The following MIA2 variants were observed in gnomAD, a reference collection of about 807,000 sequenced individuals.
MIA2 encodes the protein MIA SH3 domain ER export factor 2, also known as melanoma inhibitory activity protein 2.
MIA2 carries 127 observed loss-of-function variants against 167.8 expected under a neutral mutation model. That is an observed-to-expected ratio of 0.76 (90% CI 0.66 to 0.88). The LOEUF (loss-of-function observed/expected upper bound fraction) is 0.88. Among genes scored for constraint, MIA2 ranks in the 40% least tolerant of loss-of-function variants. The pLI is 0.00. For synonymous variants in MIA2, 552 were observed against 541.9 expected (o/e 1.02, Z -0.26); for missense variants, 1,690 against 1,624.7 (o/e 1.04, Z -0.69).
intron 17 of MIA2, among the ~76,000 whole-genome samples, chr14:39,304,876 T>A (rs2063086243): frequency 6.6e-6 from 1 of 152,182 alleles, no homozygotes; most frequent in Admixed American, 6.5e-5. Context: ...ATTTTGCTGA[T>A]AGTGTTTGTA....
intron 25 of MIA2, among the ~76,000 whole-genome samples, chr14:39,345,390 G>A (rs1340754692): frequency 6.6e-6 from 1 of 152,062 alleles, no homozygotes; most frequent in Non-Finnish European, 1.5e-5. Context: ...ATTTGGTTTG[G>A]AATAGATACT....
At chr14:39,246,044 G>T (rs964391195) in intron 3 of MIA2, among the ~76,000 whole-genome samples, 4 of 151,526 alleles carry the variant, frequency 2.6e-5, no homozygotes, top group African/African-American at 4.9e-5. Flanking sequence ...AGCATTGATT[G>T]CCTCTGCTTC....
chr14:39,275,139 T>TGTGTGTGTGTGTGTGTG (rs371189920), intron 6 of MIA2, among the ~76,000 whole-genome samples: 6 of 126,634 alleles, frequency 4.7e-5, no homozygotes, highest in East Asian at 2.2e-4. Flanking sequence ...CCTTAATCCT[T>TGTGTGTGTGTGTGTGTG]TGTGTGTGTG....
Position 39,279,334 on chromosome 14 carries a change from C to T in MIA2, c.2020-3C>T, listed in dbSNP as rs902048514. ...TGTAATTTTTGTTAAAAATTTGTTT[C>T]AGGTTAGGAGTCGGCTTTATGTGGG... On this transcript the variant is annotated splice_region_variant and splice_polypyrimidine_tract_variant and intron_variant, in intron 7 of 28. Coordinates refer to ENST00000640607, the MANE Select transcript of MIA2 (RefSeq NM_001329214.4). 1.9e-6 allele frequency: 3 copies of T among 1,600,906 alleles called. No homozygotes were observed. The highest frequency in any genetic ancestry group is 1.4e-5 in the African/African-American group (1 of 73,894).
intron 6 of MIA2, among the ~76,000 whole-genome samples, chr14:39,269,852 C>T (rs749542956): frequency 5.3e-5 from 8 of 152,034 alleles, no homozygotes; most frequent in Non-Finnish European, 7.4e-5. Flanking sequence ...AAAAATATTC[C>T]GTTGTGTGAC....
downstream of MIA2, among the ~76,000 whole-genome samples, chr14:39,353,112 T>C (rs577748674): frequency 2.6e-5 from 4 of 152,322 alleles, no homozygotes; most frequent in East Asian, 7.7e-4. Flanking sequence ...TGAGTGTTAC[T>C]TGCATAGACT....
chr14:39,370,479 C>G (rs952629097), intron 23 of MIA2: 5 of 270,434 alleles, frequency 1.8e-5, no homozygotes, highest in Admixed American at 1.7e-4. Context: ...TCTTAATGCC[C>G]TGTCGGAGCT....
intron 9 of MIA2, among the ~76,000 whole-genome samples, chr14:39,283,932 A>G (rs551390492): frequency 2.5e-4 from 38 of 151,984 alleles, no homozygotes; most frequent in Non-Finnish European, 5.2e-4. Context: ...TTTTTTCTCA[A>G]TCTGTAGGTT....
At chr14:39,259,107 T>C (rs2054953211) in intron 6 of MIA2, among the ~76,000 whole-genome samples, 1 of 152,256 alleles carries the variant, frequency 6.6e-6, no homozygotes, top group Non-Finnish European at 1.5e-5. Context: ...GCTGGTGCGC[T>C]GTGCTGATAG....
At chr14:39,294,439 C>G (rs902178315) in intron 12 of MIA2, among the ~76,000 whole-genome samples, 2 of 151,162 alleles carry the variant, frequency 1.3e-5, no homozygotes, top group African/African-American at 2.4e-5. Context: ...CTCAAGTGAT[C>G]GGCCCACCTC....
intron 16 of MIA2, among the ~76,000 whole-genome samples, chr14:39,303,846 C>T (rs1055128316): frequency 2.3e-4 from 35 of 152,062 alleles, no homozygotes; most frequent in South Asian, 4.1e-4. Flanking sequence ...TATTTTCTTA[C>T]CCCTTCTGCC....
downstream of MIA2, among the ~76,000 whole-genome samples, chr14:39,355,568 G>A (rs1040595935): frequency 2.3e-4 from 35 of 152,166 alleles, 1 homozygote; most frequent in Middle Eastern, 3.4e-3. Context: ...TGATTGCCCT[G>A]GCCGGAACTT....
chr14:39,342,158 T>C (rs1011731344), intron 25 of MIA2, among the ~76,000 whole-genome samples: 1 of 142,812 alleles, frequency 7.0e-6, no homozygotes, highest in Admixed American at 7.0e-5. Flanking sequence ...CCTAATGCTA[T>C]CCCTCCCCCC....
At chr14:39,327,048 T>C in intron 25 of MIA2, 26 bp downstream of exon 25, 2 of 1,434,912 alleles carry the variant, frequency 1.4e-6, no homozygotes, top group Non-Finnish European at 1.8e-6. Flanking sequence ...AGTTATTATT[T>C]CTCTTTGAAA....
At chr14:39,376,620 A>G (rs2075050943) in intron 23 of MIA2, among the ~76,000 whole-genome samples, 2 of 152,238 alleles carry the variant, frequency 1.3e-5, no homozygotes, top group South Asian at 4.1e-4. Flanking sequence ...AATCTCATGT[A>G]AAACAAAAAG....
intron 12 of MIA2, among the ~76,000 whole-genome samples, chr14:39,294,353 A>G (rs1280705656): frequency 6.6e-6 from 1 of 152,042 alleles, no homozygotes; most frequent in Admixed American, 6.6e-5. Context: ...ATGTGCCACC[A>G]CACCCGGCTA....
At chr14:39,237,750 G>GTTTT (rs1367662133) in intron 2 of MIA2, among the ~76,000 whole-genome samples, 2 of 151,966 alleles carry the variant, frequency 1.3e-5, no homozygotes, top group Non-Finnish European at 2.9e-5. Flanking sequence ...TTGTTTGTTT[G>GTTTT]TTTTTTGAGA....
At chr14:39,263,633 C>CTTTTT (rs35948974) in intron 6 of MIA2, among the ~76,000 whole-genome samples, 23 of 130,910 alleles carry the variant, frequency 1.8e-4, no homozygotes, top group East Asian at 6.7e-4. Flanking sequence ...CTCTCTCTCT[C>CTTTTT]TTTTTTTTTT....
chr14:39,262,507 T>G (rs1045738739), intron 6 of MIA2, among the ~76,000 whole-genome samples: 2 of 152,250 alleles, frequency 1.3e-5, no homozygotes, highest in African/African-American at 4.8e-5. Flanking sequence ...GGGCTCTTTT[T>G]GGTTCCATAT....
Sources: allele counts gnomAD v4.1 joint callset (sites outside exome capture counted in the v4.1 genomes callset), GRCh38; gene constraint gnomAD v4.1.1; transcripts MANE v1.5; gene names NCBI Gene and HGNC (gene_info 2026-07-23, HGNC 2026-07-21).